LRP1B: variants seen among roughly 807,000 people sequenced by gnomAD.
LRP1B encodes the protein low-density lipoprotein receptor-related protein 1B.
LRP1B carries 217 observed loss-of-function variants against 556.6 expected under a neutral mutation model. That is an observed-to-expected ratio of 0.39 (90% confidence interval 0.35 to 0.44). LRP1B has a LOEUF of 0.44. Among genes scored for constraint, LRP1B ranks in the 20% least tolerant of loss-of-function variants. The pLI is 1.00. For missense variants in LRP1B, 5,053 were observed against 5,620.8 expected (o/e 0.90, Z 3.23); for synonymous variants, 2,047 against 1,865.8 (o/e 1.10, Z -2.50).
At chr2:140,404,061 A>G (rs1278876755) in intron 66 of LRP1B, among the ~76,000 whole-genome samples, 1 of 152,156 alleles carries the variant, frequency 6.6e-6, no homozygotes, top group Admixed American at 6.5e-5. Context: ...ATTTTTAAAC[A>G]AACAAATGCT....
chr2:140,785,183 C>A (rs1274062776), intron 32 of LRP1B, among the ~76,000 whole-genome samples: 1 of 152,130 alleles, frequency 6.6e-6, no homozygotes, highest in African/African-American at 2.4e-5. Context: ...TATTTCCAAT[C>A]TGGATTTCCA....
At chr2:141,556,266 A>C (rs1228465521) in intron 2 of LRP1B, among the ~76,000 whole-genome samples, 1 of 151,898 alleles carries the variant, frequency 6.6e-6, no homozygotes, top group Non-Finnish European at 1.5e-5. Context: ...ACTGACACTG[A>C]ACTATTTGCC....
intron 2 of LRP1B, among the ~76,000 whole-genome samples, chr2:141,582,695 G>A (rs1305953954): frequency 2.0e-5 from 3 of 151,424 alleles, no homozygotes; most frequent in Admixed American, 1.3e-4. Context: ...TGTGAAAATT[G>A]TTGAAGTAAA....
At chr2:142,018,882 C>G (rs1703238371) in intron 1 of LRP1B, among the ~76,000 whole-genome samples, 1 of 138,474 alleles carries the variant, frequency 7.2e-6, no homozygotes, top group South Asian at 2.3e-4. Flanking sequence ...ATAGATATGT[C>G]TTATACATGT....
intron 43 of LRP1B, among the ~76,000 whole-genome samples, chr2:140,582,316 G>A (rs986903467): frequency 6.6e-5 from 10 of 152,058 alleles, no homozygotes; most frequent in African/African-American, 1.7e-4. Context: ...TCACTATCAC[G>A]TAAAAGCCCC....
At chr2:141,329,103 G>C (rs1687535903) in intron 3 of LRP1B, among the ~76,000 whole-genome samples, 1 of 152,042 alleles carries the variant, frequency 6.6e-6, no homozygotes, top group Non-Finnish European at 1.5e-5. Flanking sequence ...AATGTTTGAG[G>C]CTGACCAGGC....
intron 7 of LRP1B, among the ~76,000 whole-genome samples, chr2:141,126,135 G>C (rs13019496): frequency 0.44 from 66,754 of 151,640 alleles, 16,205 homozygotes; most frequent in Non-Finnish European, 0.55. Flanking sequence ...AGATTCAAGT[G>C]ATTCTCTTGC....
intron 11 of LRP1B, among the ~76,000 whole-genome samples, chr2:141,035,743 T>C (rs1448582223): frequency 2.0e-5 from 3 of 152,134 alleles, no homozygotes; most frequent in Non-Finnish European, 2.9e-5. Context: ...TACTTTTATT[T>C]TTTTGTTAAA....
chr2:140,248,761 C>T (rs1276857540), intron 86 of LRP1B, among the ~76,000 whole-genome samples: 3 of 150,922 alleles, frequency 2.0e-5, no homozygotes, highest in African/African-American at 7.3e-5. Context: ...ACACAGTCCA[C>T]GGGTAGTTCA....
chr2:140,662,878 G>C (rs947540687), intron 41 of LRP1B, among the ~76,000 whole-genome samples: 1 of 152,028 alleles, frequency 6.6e-6, no homozygotes, highest in African/African-American at 2.4e-5. Flanking sequence ...TTAGTGAGGC[G>C]CCTGCAAATG....
intron 2 of LRP1B, among the ~76,000 whole-genome samples, chr2:141,672,489 A>C (rs2105414964): frequency 6.6e-6 from 1 of 152,340 alleles, no homozygotes; most frequent in African/African-American, 2.4e-5. Flanking sequence ...ACAAAGTCAC[A>C]CAAAACAAAT....
intron 11 of LRP1B, among the ~76,000 whole-genome samples, chr2:141,024,378 A>G (rs1395353228): frequency 6.6e-6 from 1 of 152,018 alleles, no homozygotes; most frequent in Admixed American, 6.6e-5. Context: ...ATTCAAAGAG[A>G]TATGTAGAGT....
intron 3 of LRP1B, among the ~76,000 whole-genome samples, chr2:141,478,068 C>G (rs150222812): frequency 1.3e-5 from 2 of 152,102 alleles, no homozygotes; most frequent in African/African-American, 2.4e-5. Flanking sequence ...CAACTACATA[C>G]TAGAAATTTG....
At chr2:141,768,325 T>C (rs895005849) in intron 2 of LRP1B, among the ~76,000 whole-genome samples, 1 of 151,996 alleles carries the variant, frequency 6.6e-6, no homozygotes, top group Non-Finnish European at 1.5e-5. Context: ...CTTTTCGTTC[T>C]TGAGCCTTTT....
At chr2:140,653,437 A>C (rs2105325147) in intron 41 of LRP1B, among the ~76,000 whole-genome samples, 1 of 152,110 alleles carries the variant, frequency 6.6e-6, no homozygotes, top group South Asian at 2.1e-4. Flanking sequence ...TGGAGACTAG[A>C]AAGTTGTATG....
At chr2:141,513,708 ACTTAAAGTCT>A (rs1359033796) in intron 2 of LRP1B, among the ~76,000 whole-genome samples, 5 of 146,674 alleles carry the variant, frequency 3.4e-5, no homozygotes, top group African/African-American at 1.0e-4. Flanking sequence ...TAAAGGACAA[ACTTAAAGTCT>A]CTTGTGCTTA....
chr2:141,246,380 A>C (rs1249089553), intron 5 of LRP1B, among the ~76,000 whole-genome samples: 2 of 152,206 alleles, frequency 1.3e-5, no homozygotes, highest in African/African-American at 2.4e-5. Context: ...AAGATCAGAC[A>C]CTGGAAAGGG....
At chr2:141,156,203 AC>A (rs1164098576) in intron 7 of LRP1B, among the ~76,000 whole-genome samples, 1 of 152,198 alleles carries the variant, frequency 6.6e-6, no homozygotes, top group African/African-American at 2.4e-5. Flanking sequence ...TGGCTCAGTA[AC>A]CCAGGGTCTA....
intron 7 of LRP1B, among the ~76,000 whole-genome samples, chr2:141,152,198 A>G (rs570263774): frequency 6.6e-6 from 1 of 152,024 alleles, no homozygotes; most frequent in South Asian, 2.1e-4. Context: ...TAGCCATGCA[A>G]ACTATTTGAG....
Sources: allele counts gnomAD v4.1 joint callset (sites outside exome capture counted in the v4.1 genomes callset), GRCh38; gene constraint gnomAD v4.1.1; transcripts MANE v1.5; gene names NCBI Gene and HGNC (gene_info 2026-07-23, HGNC 2026-07-21).